Variants in NF1 observed in about 807,000 individuals in gnomAD.
The protein encoded by NF1 is neurofibromin.
In NF1, 122 loss-of-function variants were observed where a neutral mutation model predicts 325.7. The ratio of observed to expected loss-of-function variants is 0.37; its 90% CI spans 0.32 to 0.44. The LOEUF (loss-of-function observed/expected upper bound fraction) is 0.44. NF1 is among the 20% of genes least tolerant of loss of function. The pLI, the probability that NF1 is intolerant of heterozygous loss-of-function variation, is 1.00. For synonymous variants in NF1, 1,091 were observed against 1,186.0 expected (o/e 0.92, Z 1.65); for missense variants, 2,140 against 3,415.4 (o/e 0.63, Z 9.31).
rs1053429996 is a variant in NF1 at position 31,356,745 on chromosome 17, A to G, written c.7738+163A>G. 36 of 1,216,184 alleles carry G rather than the reference A, an allele frequency of 3.0e-5. No individual in the cohort carries two copies. The African/African-American group carries it at 4.8e-4, about 16-fold the overall frequency. The allele number at this position is 1,216,184 out of a possible 1,614,324, so 75.3% of individuals were successfully genotyped here. A position where few individuals can be genotyped will look rare whatever the true frequency, so the allele number is the denominator to read the frequency against. On this transcript the variant is annotated intron_variant, in intron 52 of 57. Coordinates refer to ENST00000358273, the MANE Select transcript of NF1 (RefSeq NM_001042492.3). Reference sequence around the variant, plus strand: ...CTACCATTCAAGACAGTTATCTTGAAGCTTGTGTAAAAATTAATCATATAT... The same window carrying G: ...CTACCATTCAAGACAGTTATCTTGAGGCTTGTGTAAAAATTAATCATATAT...
Position 31,336,966 on chromosome 17 carries a change from T to G in NF1, c.6427+52T>G. On this transcript the variant is annotated intron_variant, in intron 42 of 57. Transcript: ENST00000358273. The surrounding 1 kb of genome is among the most constrained non-coding windows in gnomAD (Gnocchi z 5.5). ...TTACCAGTTCCTTTCTCCATTTTACTTCACCTGATCAATATAGATTATCTT... is the reference window on the plus strand; with the variant it reads ...TTACCAGTTCCTTTCTCCATTTTACGTCACCTGATCAATATAGATTATCTT... 1 of 1,560,366 alleles carries G rather than the reference T, an allele frequency of 6.4e-7. No homozygotes were observed. The highest frequency in any genetic ancestry group is 8.7e-7 in the Non-Finnish European group (1 of 1,143,346).
chr17:31,370,975 T>A (rs2023739065), intron 57 of NF1, among the ~76,000 whole-genome samples: 1 of 151,910 alleles, frequency 6.6e-6, no homozygotes, highest in Non-Finnish European at 1.5e-5. Context: ...GAAGGTCAAA[T>A]ACGCTGACAA....
intron 5 of NF1, among the ~76,000 whole-genome samples, chr17:31,176,111 A>G (rs1240938114): frequency 6.6e-6 from 1 of 152,276 alleles, no homozygotes. Flanking sequence ...GTCTTCCACA[A>G]TGGTTGAACT....
chr17:31,347,134 C>T (rs1308529646), intron 48 of NF1, among the ~76,000 whole-genome samples: 1 of 151,044 alleles, frequency 6.6e-6, no homozygotes, highest in Non-Finnish European at 1.5e-5. Context: ...AAGATCATAT[C>T]TTATGTATAG....
rs2070717022 is a variant in NF1 at position 31,375,356 on chromosome 17, G to T, written c.*1201G>T. On this transcript the variant is annotated 3_prime_UTR_variant, in exon 58 of 58. Transcript: ENST00000358273. ...TGCTAGAATTGCATTTAATCACTGT[G>T]AAAAGACTGGTCAGCCTGCATTAGT... The T allele has an allele frequency of 4.3e-6, 1 of 230,688 alleles. No individual in the cohort carries two copies. The allele number at this position is 230,688 out of a possible 1,614,324, so 14.3% of individuals were successfully genotyped here.
At chr17:31,166,489 T>C (rs1008425401) in intron 4 of NF1, among the ~76,000 whole-genome samples, 13 of 152,238 alleles carry the variant, frequency 8.5e-5, no homozygotes, top group African/African-American at 2.2e-4. Context: ...CTAGTGATGG[T>C]TTTGCATTTG....
At chr17:31,095,881 CT>C (rs1287989889) in intron 1 of NF1, among the ~76,000 whole-genome samples, 3 of 152,084 alleles carry the variant, frequency 2.0e-5, no homozygotes, top group African/African-American at 7.2e-5. Flanking sequence ...CCCCCAGTTT[CT>C]TCAGCTTCCT....
At chr17:31,215,735 A>G (rs565866838) in intron 13 of NF1, among the ~76,000 whole-genome samples, 1 of 152,362 alleles carries the variant, frequency 6.6e-6, no homozygotes, top group South Asian at 2.1e-4. Flanking sequence ...CCTGGAGAGC[A>G]GCATCAAGCA....
intron 19 of NF1, 77 bp downstream of exon 19, chr17:31,227,368 T>G (rs2067034249): frequency 6.6e-7 from 1 of 1,515,254 alleles, no homozygotes; most frequent in Admixed American, 1.7e-5. Flanking sequence ...ATATGTGTGA[T>G]CAGGAATAGC....
chr17:31,317,944 T>C (rs2069068468), intron 36 of NF1: 1 of 211,804 alleles, frequency 4.7e-6, no homozygotes, highest in South Asian at 7.8e-5. Flanking sequence ...ACTAAAACTA[T>C]TCAAAGTTTA....
chr17:31,286,091 C>CT (rs1397385548), intron 36 of NF1, among the ~76,000 whole-genome samples: 3 of 151,868 alleles, frequency 2.0e-5, no homozygotes, highest in African/African-American at 7.3e-5. Context: ...TTTTAATATG[C>CT]TTTTTTGTTG....
At chr17:31,267,112 G>A (rs554603780) in intron 36 of NF1, among the ~76,000 whole-genome samples, 1 of 152,144 alleles carries the variant, frequency 6.6e-6, no homozygotes, top group Admixed American at 6.5e-5. Flanking sequence ...TGTATTTTTA[G>A]TAGAGATGGG....
chr17:31,307,597 C>G (rs1307054770), intron 36 of NF1, among the ~76,000 whole-genome samples: 1 of 152,168 alleles, frequency 6.6e-6, no homozygotes, highest in Non-Finnish European at 1.5e-5. Flanking sequence ...AACTACCTGT[C>G]TAACCATGAG....
intron 1 of NF1, chr17:31,095,592 T>C: frequency 9.3e-6 from 4 of 428,052 alleles, no homozygotes; most frequent in East Asian, 5.0e-5. Flanking sequence ...CCCTCCTAAG[T>C]CGGGGGGTGG....
intron 36 of NF1, among the ~76,000 whole-genome samples, chr17:31,268,711 G>A (rs1352278768): frequency 6.8e-6 from 1 of 147,508 alleles, no homozygotes; most frequent in Admixed American, 6.8e-5. Context: ...TTTTTGTTTT[G>A]TTTTTGAGAC....
Position 31,173,615 on chromosome 17 carries a change from A to G in NF1, c.586+3618A>G, listed in dbSNP as rs527375035. On this transcript the variant is annotated intron_variant, in intron 5 of 57. Transcript: ENST00000358273. ...CTCCATCTAAAAAAAAAAAAAAAGA[A>G]ATGGAATACATAGCATTTGATAGTC... 5.4e-4 allele frequency among the ~76,000 whole-genome samples: 82 copies of G among 151,996 alleles called. 1 individual carries two copies. Among genetic ancestry groups the G allele is most frequent in the African/African-American group, 2.0e-3 (81 of 41,410 alleles).
intron 17 of NF1, among the ~76,000 whole-genome samples, chr17:31,225,902 C>T (rs1021615842): frequency 1.3e-5 from 2 of 152,114 alleles, no homozygotes; most frequent in Non-Finnish European, 1.5e-5. Context: ...TTCTCCATTT[C>T]GTGTTTGGAG....
intron 48 of NF1, 122 bp downstream of exon 48, chr17:31,343,257 A>C (rs2069874437): frequency 1.0e-6 from 1 of 980,558 alleles, no homozygotes; most frequent in East Asian, 2.6e-5. Flanking sequence ...CTTTAAATGC[A>C]AACTAGGCCA....
chr17:31,294,807 A>G, intron 36 of NF1: 1 of 639,986 alleles, frequency 1.6e-6, no homozygotes, highest in East Asian at 2.8e-5. Context: ...TAATTAAGAC[A>G]GTAAAATAGC....
Sources: gnomAD v4.1 joint callset for allele counts (sites outside exome capture counted in the v4.1 genomes callset) on GRCh38, gnomAD v4.1.1 for gene constraint, Gnocchi (gnomAD v3.1) non-coding constraint, MANE v1.5 for transcripts, NCBI Gene and HGNC (gene_info 2026-07-23, HGNC 2026-07-21) for gene names.